Variants in ACVR1C observed in about 807,000 individuals in gnomAD.
ACVR1C encodes the protein activin A receptor type 1C, also known as activin receptor type-1C.
ACVR1C carries 23 observed loss-of-function variants against 57.9 expected under a neutral mutation model. That is an observed-to-expected ratio of 0.40 (90% confidence interval 0.29 to 0.56). The LOEUF (loss-of-function observed/expected upper bound fraction) is 0.56. Ranked by LOEUF, ACVR1C falls within the 20% of genes least tolerant of loss-of-function variation. The pLI, the probability that ACVR1C is intolerant of heterozygous loss-of-function variation, is 0.50. For synonymous variants in ACVR1C, 214 were observed against 215.3 expected (o/e 0.99, Z 0.05); for missense variants, 480 against 607.9 (o/e 0.79, Z 2.21).
intron 8 of ACVR1C, among the ~76,000 whole-genome samples, chr2:157,535,830 T>C (rs2105200521): frequency 6.6e-6 from 1 of 152,258 alleles, no homozygotes; most frequent in South Asian, 2.1e-4. Context: ...GGACTAGAGT[T>C]CAGGAGAGCA....
At chr2:157,544,369 C>T in intron 5 of ACVR1C, 76 bp downstream of exon 5, 4 of 1,348,476 alleles carry the variant, frequency 3.0e-6, no homozygotes, top group Non-Finnish European at 4.0e-6. Context: ...TTAATTACTC[C>T]TAATAAATTA....
At chr2:157,568,237 G>C (rs2105237796) in intron 2 of ACVR1C, among the ~76,000 whole-genome samples, 1 of 94,466 alleles carries the variant, frequency 1.1e-5, no homozygotes, top group South Asian at 4.3e-4. Flanking sequence ...GGAACAACCG[G>C]TACCAGCCGC....
At chr2:157,597,246 A>G (rs1682148880) in intron 1 of ACVR1C, 1 of 728,372 alleles carries the variant, frequency 1.4e-6, no homozygotes, top group African/African-American at 1.9e-5. Flanking sequence ...CACTTTGTCA[A>G]CGGGTTTGGT....
chr2:157,544,035 CTTT>C (rs1217763945), intron 5 of ACVR1C, among the ~76,000 whole-genome samples: 3 of 124,396 alleles, frequency 2.4e-5, no homozygotes, highest in Admixed American at 1.6e-4. Flanking sequence ...TGTTTCTTTA[CTTT>C]TTTTTTTTTT....
Position 157,609,592 on chromosome 2 carries a change from T to C in ACVR1C, c.73+18980A>G, listed in dbSNP as rs370092050. Among the ~76,000 whole-genome samples the C allele has an allele frequency of 2.4e-4, 36 of 152,180 alleles. No homozygotes were observed. In the East Asian group the frequency reaches 4.8e-3, roughly 20 times the overall value. ...GTTGAAGTCTCCCACTATTATTGTA[T>C]TGCAGTCTTGCTCTCTCTCTAGAAC... On this transcript the variant is annotated intron_variant, in intron 1 of 8. Transcript: ENST00000243349.
intron 2 of ACVR1C, among the ~76,000 whole-genome samples, chr2:157,564,248 G>A (rs1688307776): frequency 6.6e-6 from 1 of 152,008 alleles, no homozygotes; most frequent in Non-Finnish European, 1.5e-5. Flanking sequence ...GAATCTACAA[G>A]GAACTTAAAC....
intron 2 of ACVR1C, among the ~76,000 whole-genome samples, chr2:157,574,037 G>A (rs1688587813): frequency 6.6e-6 from 1 of 152,208 alleles, no homozygotes; most frequent in Admixed American, 6.5e-5. Context: ...ACACAGAAGA[G>A]TCAGTCACTA....
At chr2:157,534,446 A>G (rs1005123358) in intron 8 of ACVR1C, among the ~76,000 whole-genome samples, 2 of 152,212 alleles carry the variant, frequency 1.3e-5, no homozygotes, top group East Asian at 1.9e-4. Context: ...AAATGTTTCA[A>G]TCCACTGATT....
chr2:157,612,199 C>G (rs138063722), intron 1 of ACVR1C, among the ~76,000 whole-genome samples: 2 of 152,238 alleles, frequency 1.3e-5, no homozygotes, highest in South Asian at 4.1e-4. Context: ...TACTTCAGCT[C>G]CTGGCTGCAG....
At chr2:157,601,280 G>A (rs1360690217) in intron 1 of ACVR1C, among the ~76,000 whole-genome samples, 2 of 151,846 alleles carry the variant, frequency 1.3e-5, no homozygotes, top group South Asian at 2.1e-4. Flanking sequence ...TTGCACCACT[G>A]CTCTCCAGCC....
chr2:157,554,268 A>AAAGAAAGGAAGAAAGG (rs1261113225), intron 3 of ACVR1C, among the ~76,000 whole-genome samples: 3 of 113,614 alleles, frequency 2.6e-5, no homozygotes, highest in South Asian at 5.6e-4. Context: ...AGAAAGAAAG[A>AAAGAAAGGAAGAAAGG]AAGGAAGGAA....
chr2:157,550,129 T>C, intron 4 of ACVR1C, 33 bp downstream of exon 4: 1 of 1,601,316 alleles, frequency 6.2e-7, no homozygotes, highest in Non-Finnish European at 8.6e-7. Flanking sequence ...GACAGCATTT[T>C]TTACTTGTTG....
At chr2:157,587,139 T>TC (rs1426671887) in intron 2 of ACVR1C, 48 bp downstream of exon 2, 1 of 1,473,810 alleles carries the variant, frequency 6.8e-7, no homozygotes, top group South Asian at 1.1e-5. Context: ...TCTTATAGTT[T>TC]CCCAAGAGTA....
Position 157,597,266 on chromosome 2 carries a change from T to C in ACVR1C, c.74-9849A>G, listed in dbSNP as rs1036890691. 3.5e-6 allele frequency: 3 copies of C among 854,332 alleles called. No individual in the cohort carries two copies. The African/African-American group carries it at 5.5e-5, about 16-fold the overall frequency. 52.9% of individuals were successfully genotyped at this position (854,332 alleles called of 1,614,324 possible). A position where few individuals can be genotyped will look rare whatever the true frequency, so the allele number is the denominator to read the frequency against. On this transcript the variant is annotated intron_variant, in intron 1 of 8. Coordinates refer to ENST00000243349, the MANE Select transcript of ACVR1C (RefSeq NM_145259.3). ...TGTCAACGGGTTTGGTAACACTCAC[T>C]GCCCTGATGGAACTCCATTCCCGGT...
Position 157,550,290 on chromosome 2 carries a change from C to T in ACVR1C, c.647G>A (p.Gly216Glu). 3.1e-6 allele frequency: 5 copies of T among 1,614,124 alleles called. No individual in the cohort carries two copies. Among genetic ancestry groups the T allele is most frequent in the African/African-American group, 1.3e-5 (1 of 75,018 alleles). Residue 216 changes from glycine to glutamate, a missense_variant, in exon 4 of 9, where the codon GGG (glycine) becomes GAG (glutamate). Physicochemically the swap from Gly to Glu is moderately conservative, Grantham distance 98. Transcript: ENST00000243349. ...GAATATTTTCACAGCCACATCTTCC[C>T]CACACCATCTTCCATGCCACACCTC... ...FGEVWHGRWCGEDVAVKIFSS... is the reference protein window; with the variant it reads ...FGEVWHGRWCEEDVAVKIFSS...
chr2:157,592,138 G>T (rs1459005077), intron 1 of ACVR1C, among the ~76,000 whole-genome samples: 1 of 151,946 alleles, frequency 6.6e-6, no homozygotes. Flanking sequence ...ATTTTCTGAG[G>T]GGACATGCAG....
intron 1 of ACVR1C, among the ~76,000 whole-genome samples, chr2:157,628,262 C>A: frequency 6.6e-6 from 1 of 152,092 alleles, no homozygotes; most frequent in East Asian, 1.9e-4. Flanking sequence ...CTCCTATTTT[C>A]TCCGCTGCAA....
chr2:157,578,131 T>C (rs2105247755), intron 2 of ACVR1C, among the ~76,000 whole-genome samples: 1 of 152,236 alleles, frequency 6.6e-6, no homozygotes, highest in African/African-American at 2.4e-5. Context: ...TCTCAAACTC[T>C]TGAGCTCAAG....
Position 157,628,637 on chromosome 2 carries a change from C to A in ACVR1C, c.8G>T (p.Arg3Leu), listed in dbSNP as rs1326066633. The part of the protein sequence containing the change: MT[R>L]ALCSALRQAL... Reference sequence around the variant, plus strand: ...CTGGCGGAGCGCTGAGCAGAGCGCCCGGGTCATCGCCACCAGGCGGCCGCG... The same window carrying A: ...CTGGCGGAGCGCTGAGCAGAGCGCCAGGGTCATCGCCACCAGGCGGCCGCG... The change falls in exon 1 of 9, where the codon CGG becomes CTG. Residue 3 changes from arginine to leucine, a missense_variant. Physicochemically the swap from Arg to Leu is moderately radical, Grantham distance 102. Transcript: ENST00000243349. 15 of 1,582,770 alleles carry A rather than the reference C, an allele frequency of 9.5e-6. No individual in the cohort carries two copies. Among genetic ancestry groups the A allele is most frequent in the African/African-American group, 2.7e-5 (2 of 73,808 alleles).
Sources: allele counts gnomAD v4.1 joint callset (sites outside exome capture counted in the v4.1 genomes callset), GRCh38; gene constraint gnomAD v4.1.1; transcripts MANE v1.5; gene names NCBI Gene and HGNC (gene_info 2026-07-23, HGNC 2026-07-21).